The following SLC12A6 variants were observed in gnomAD, a reference collection of about 807,000 sequenced individuals.
The protein encoded by SLC12A6 is solute carrier family 12 member 6, also known as K-Cl cotransporter 3.
A neutral mutation model predicts 135.3 loss-of-function variants in SLC12A6; 66 were observed. That is an observed-to-expected ratio of 0.49 (90% CI 0.40 to 0.60). The LOEUF (loss-of-function observed/expected upper bound fraction) is 0.60. Among genes scored for constraint, SLC12A6 ranks in the 20% least tolerant of loss-of-function variants. SLC12A6 has a pLI of 0.00. For missense variants in SLC12A6, 1,058 were observed against 1,452.3 expected (o/e 0.73, Z 4.41); for synonymous variants, 513 against 508.8 (o/e 1.01, Z -0.11).
At chr15:34,313,030 C>T (rs1313877441) in intron 2 of SLC12A6, among the ~76,000 whole-genome samples, 1 of 152,186 alleles carries the variant, frequency 6.6e-6, no homozygotes, top group Non-Finnish European at 1.5e-5. Context: ...CTCCTCTGGC[C>T]TCCCTATTCA....
Position 34,252,294 on chromosome 15 carries a change from T to C in SLC12A6, c.1209A>G (p.Ser403=), listed in dbSNP as rs554148269. 6.2e-7 allele frequency: 1 copy of C among 1,609,736 alleles called. No individual in the cohort carries two copies. Among genetic ancestry groups the C allele is most frequent in the South Asian group, 1.1e-5 (1 of 90,972 alleles). Reference sequence around the variant, plus strand: ...AGTTACAGAAGAATCCCCATAACTTTGATGGGACTGTCATGTTGTTAATTT... The same window carrying C: ...AGTTACAGAAGAATCCCCATAACTTCGATGGGACTGTCATGTTGTTAATTT... ...TKEINNMTVP[S]KLWGFFCNSS... The change falls in exon 10 of 26, where the codon TCA becomes TCG. Residue 403 remains serine (S), a synonymous_variant. Coordinates refer to ENST00000354181, the MANE Select transcript of SLC12A6 (RefSeq NM_001365088.1).
intron 2 of SLC12A6, among the ~76,000 whole-genome samples, chr15:34,321,824 CAA>C (rs934675078): frequency 6.6e-6 from 1 of 152,158 alleles, no homozygotes; most frequent in Admixed American, 6.5e-5. Context: ...GCATGAATCT[CAA>C]AAACATTACG....
intron 3 of SLC12A6, among the ~76,000 whole-genome samples, chr15:34,268,205 C>T (rs569194866): frequency 5.3e-5 from 8 of 152,312 alleles, no homozygotes; most frequent in East Asian, 1.9e-4. Context: ...TCCAAGCCAC[C>T]TCCTAGCAGC....
intron 13 of SLC12A6, among the ~76,000 whole-genome samples, chr15:34,247,938 C>CA (rs927696735): frequency 3.3e-5 from 5 of 152,186 alleles, no homozygotes; most frequent in African/African-American, 7.2e-5. Context: ...CTCCTGACCT[C>CA]AAACAATCTT....
At chr15:34,278,307 A>G (rs1434665028) in intron 2 of SLC12A6, among the ~76,000 whole-genome samples, 1 of 151,898 alleles carries the variant, frequency 6.6e-6, no homozygotes, top group Non-Finnish European at 1.5e-5. Flanking sequence ...TGCACCTGTA[A>G]TCTCAGCTAC....
chr15:34,268,096 G>GA (rs1431759126), intron 3 of SLC12A6, among the ~76,000 whole-genome samples: 1 of 152,090 alleles, frequency 6.6e-6, no homozygotes, highest in Non-Finnish European at 1.5e-5. Context: ...ATGGAAGTAA[G>GA]AGTTCAACAT....
intron 2 of SLC12A6, among the ~76,000 whole-genome samples, chr15:34,277,053 T>G (rs1160293806): frequency 3.9e-5 from 6 of 152,164 alleles, no homozygotes; most frequent in African/African-American, 1.4e-4. Context: ...AAATTTGAAA[T>G]GTTCCTATTC....
At chr15:34,318,488 A>T in intron 2 of SLC12A6, 1 of 1,213,602 alleles carries the variant, frequency 8.2e-7, no homozygotes, top group Non-Finnish European at 1.2e-6. Context: ...AGGCATTTTG[A>T]ATTTTGATAT....
chr15:34,336,386 G>A (rs371256174), intron 2 of SLC12A6, 24 bp downstream of exon 2: 7 of 1,591,176 alleles, frequency 4.4e-6, no homozygotes, highest in African/African-American at 2.7e-5. Context: ...ATGAAAGTAT[G>A]CTGCGGTCTG....
chr15:34,231,037 CT>C lies in SLC12A6; in HGVS notation c.*2843del, dbSNP rs1566793471. ...TGGCAGAATTCCTAGGCAGGCTGAC[CT>C]TTACAGTATGGGCCTTTAAGATACT... On this transcript the variant is annotated 3_prime_UTR_variant, in exon 26 of 26. Coordinates refer to ENST00000354181, the MANE Select transcript of SLC12A6 (RefSeq NM_001365088.1). 1 of 152,182 alleles carries C rather than the reference CT, an allele frequency of 6.6e-6. No individual in the cohort carries two copies. Among genetic ancestry groups the C allele is most frequent in the Non-Finnish European group, 1.5e-5 (1 of 68,064 alleles). 9.4% of individuals were successfully genotyped at this position (152,182 alleles called of 1,614,324 possible). A position where few individuals can be genotyped will look rare whatever the true frequency, so the allele number is the denominator to read the frequency against.
rs764090083 is a variant in SLC12A6, at chr15:34,252,229, A to T, written c.1274T>A (p.Val425Asp). 4.4e-6 allele frequency: 7 copies of T among 1,608,988 alleles called. No individual in the cohort carries two copies. In the East Asian group the frequency reaches 6.7e-5, roughly 15 times the overall value. Residue 425 changes from valine (V) to aspartate (D), a missense_variant, in exon 10 of 26, where the codon GTT (valine) becomes GAT (aspartate). By Grantham distance (152) the Val-to-Asp change is radical (BLOSUM62 -3). Transcript: ENST00000354181. The stretch of plus-strand genomic sequence containing the variant: ...CTGGATTGAAGTGACGTTATTGTGA[A>T]CAAAGTATTCATCACAGGTGGCATT... The part of the protein sequence containing the change: ...FFNATCDEYF[V>D]HNNVTSIQGI...
chr15:34,320,877 C>G (rs1416971719), intron 2 of SLC12A6, among the ~76,000 whole-genome samples: 2 of 151,642 alleles, frequency 1.3e-5, no homozygotes, highest in Admixed American at 6.6e-5. Flanking sequence ...TCACTGTACT[C>G]CAGCCTGGGC....
intron 2 of SLC12A6, among the ~76,000 whole-genome samples, chr15:34,283,280 T>C (rs888131440): frequency 6.6e-6 from 1 of 151,986 alleles, no homozygotes; most frequent in African/African-American, 2.4e-5. Flanking sequence ...GAGGCAGAGG[T>C]TGCAGTGACC....
At chr15:34,255,995 A>T (rs2140733054) in intron 7 of SLC12A6, among the ~76,000 whole-genome samples, 1 of 152,246 alleles carries the variant, frequency 6.6e-6, no homozygotes, top group African/African-American at 2.4e-5. Flanking sequence ...CAACTAATAA[A>T]AGCTAAGAAT....
At chr15:34,280,678 T>C (rs1894618240) in intron 2 of SLC12A6, among the ~76,000 whole-genome samples, 1 of 152,142 alleles carries the variant, frequency 6.6e-6, no homozygotes, top group African/African-American at 2.4e-5. Context: ...TGAGCATTTA[T>C]ACAAAGCAAA....
intron 3 of SLC12A6, among the ~76,000 whole-genome samples, chr15:34,273,882 G>GTTT (rs879337737): frequency 6.8e-6 from 1 of 146,144 alleles, no homozygotes; most frequent in East Asian, 2.0e-4. Context: ...AATAATACCT[G>GTTT]TTTTTTTTTT....
intron 2 of SLC12A6, among the ~76,000 whole-genome samples, chr15:34,285,713 T>TATACACACACACACACACACACACACACA (rs776596338): frequency 1.9e-3 from 85 of 45,174 alleles, no homozygotes; most frequent in South Asian, 3.9e-3. Flanking sequence ...TGTGTGTGTG[T>TATACACACACACACACACACACACACACA]TTGTCATACA....
Position 34,243,966 on chromosome 15 carries a change from A to T in SLC12A6, c.2042+8T>A. 1 of 1,484,808 alleles carries T rather than the reference A, an allele frequency of 6.7e-7. No individual in the cohort carries two copies. The highest frequency in any genetic ancestry group is 9.4e-7 in the Non-Finnish European group (1 of 1,061,894). The allele number at this position is 1,484,808 out of a possible 1,614,324, so 92.0% of individuals were successfully genotyped here. Reference sequence around the variant, plus strand: ...CGTGAGTAAAAAGAATAAAAGAAGCAGACTTACCAATGGTAGTAGCGGAAT... The same window carrying T: ...CGTGAGTAAAAAGAATAAAAGAAGCTGACTTACCAATGGTAGTAGCGGAAT... On this transcript the variant is annotated splice_region_variant and intron_variant, in intron 16 of 25. Transcript: ENST00000354181.
At chr15:34,265,382 G>GT (rs887685885) in intron 3 of SLC12A6, among the ~76,000 whole-genome samples, 2 of 137,426 alleles carry the variant, frequency 1.5e-5, no homozygotes, top group African/African-American at 2.9e-5. Flanking sequence ...CAGAAAGTAA[G>GT]TAAAAACAAC....
Sources: allele counts gnomAD v4.1 joint callset (sites outside exome capture counted in the v4.1 genomes callset), GRCh38; gene constraint gnomAD v4.1.1; transcripts MANE v1.5; gene names NCBI Gene and HGNC (gene_info 2026-07-23, HGNC 2026-07-21).